The following PSG11 variants were observed in gnomAD, a reference collection of about 807,000 sequenced individuals.
The protein encoded by PSG11 is pregnancy-specific beta-1-glycoprotein 11.
In PSG11, 42 loss-of-function variants were observed where a neutral mutation model predicts 36.0. The ratio of observed to expected loss-of-function variants is 1.17; its 90% confidence interval spans 0.91 to 1.51. PSG11 has a LOEUF of 1.51. Among genes scored for constraint, PSG11 ranks in the 40% most tolerant of loss-of-function variants. The pLI, the probability that PSG11 is intolerant of heterozygous loss-of-function variation, is 0.00. For synonymous variants in PSG11, 206 were observed against 153.5 expected, an observed-to-expected ratio of 1.34 and a Z score of -2.53; for missense variants, 558 against 403.5, an observed-to-expected ratio of 1.38 and a Z score of -3.28.
At chr19:43,022,977 G>A (rs1967139161) in intron 2 of PSG11, among the ~76,000 whole-genome samples, 1 of 150,680 alleles carries the variant, frequency 6.6e-6, no homozygotes, top group Non-Finnish European at 1.5e-5. Context: ...AGAATGAAGT[G>A]GGAGGAAGAT....
chr19:43,015,753 G>T, intron 3 of PSG11: 3 of 1,609,080 alleles, frequency 1.9e-6, no homozygotes, highest in Non-Finnish European at 1.7e-6. Flanking sequence ...GGCCCACAGA[G>T]GAACAAAAGA....
chr19:43,021,479 G>A (rs1476796031), intron 2 of PSG11, among the ~76,000 whole-genome samples: 1 of 151,306 alleles, frequency 6.6e-6, no homozygotes. Context: ...GACCTCCCAA[G>A]TAGCTGGTAC....
intron 5 of PSG11, among the ~76,000 whole-genome samples, chr19:43,009,105 C>A (rs957290061): frequency 6.6e-6 from 1 of 151,124 alleles, no homozygotes; most frequent in African/African-American, 2.4e-5. Flanking sequence ...CATTTCCTGT[C>A]TTAGGCTTTG....
At chr19:43,025,835 T>C (rs1967234996) in intron 1 of PSG11, among the ~76,000 whole-genome samples, 1 of 149,980 alleles carries the variant, frequency 6.7e-6, no homozygotes, top group Admixed American at 6.7e-5. Context: ...CCAATTCCGG[T>C]TCAATGTGAC....
At chr19:43,025,563 G>A (rs1444232996) in intron 1 of PSG11, among the ~76,000 whole-genome samples, 1 of 151,024 alleles carries the variant, frequency 6.6e-6, no homozygotes, top group African/African-American at 2.4e-5. Flanking sequence ...TGAGGACAGG[G>A]ACTTTTGTGA....
intron 2 of PSG11, among the ~76,000 whole-genome samples, chr19:43,021,330 T>A (rs1030066601): frequency 1.3e-5 from 2 of 151,324 alleles, no homozygotes; most frequent in Non-Finnish European, 2.9e-5. Flanking sequence ...CCAGTAAGCA[T>A]CAAAAGAATT....
intron 2 of PSG11, among the ~76,000 whole-genome samples, chr19:43,022,090 G>A (rs1210065514): frequency 1.3e-5 from 2 of 151,506 alleles, no homozygotes; most frequent in Non-Finnish European, 2.9e-5. Context: ...CCCAGGGACT[G>A]CCTTTGTCAA....
At chr19:43,011,096 G>C (rs1167238683) in intron 4 of PSG11, among the ~76,000 whole-genome samples, 1 of 150,932 alleles carries the variant, frequency 6.6e-6, no homozygotes, top group Non-Finnish European at 1.5e-5. Flanking sequence ...TATGGCTAGT[G>C]ACAGGTGGAT....
chr19:43,012,156 A>G lies in PSG11; in HGVS notation c.965-2115T>C, dbSNP rs971004273. Among the ~76,000 whole-genome samples, 24 of 151,368 alleles carry G rather than the reference A, an allele frequency of 1.6e-4. 1 individual carries two copies. Among genetic ancestry groups the G allele is most frequent in the African/African-American group, 5.8e-4 (24 of 41,050 alleles). On this transcript the variant is annotated intron_variant, in intron 4 of 5. Coordinates refer to ENST00000320078, the MANE Select transcript of PSG11 (RefSeq NM_002785.3). ...AAGAATGGAAGGAAACCACCTCAAC[A>G]TAAAGGCAATATGTGAAAAACCCAA...
intron 1 of PSG11, among the ~76,000 whole-genome samples, chr19:43,026,088 C>T (rs1337182368): frequency 1.3e-5 from 2 of 150,046 alleles, no homozygotes; most frequent in African/African-American, 2.5e-5. Context: ...ATTACAGGAG[C>T]ACACCACCAT....
rs139044489 is a variant in PSG11, at chr19:43,014,996, G to A, written c.964+120C>T. The stretch of plus-strand genomic sequence containing the variant: ...TTGGGAGGGTTCAGGAGGAGAATTT[G>A]GGATTTGCCTGTGCCCATGGGACAC... On this transcript the variant is annotated intron_variant, in intron 4 of 5. Coordinates refer to ENST00000320078, the MANE Select transcript of PSG11 (RefSeq NM_002785.3). The A allele has an allele frequency of 2.8e-3, 4,464 of 1,582,142 alleles. 233 individuals are homozygous for A. The African/African-American group carries it at 0.046, about 16-fold the overall frequency.
rs1187018699 is a variant in PSG11, at chr19:43,026,394, C to A, written c.-22G>T. 1.2e-6 allele frequency: 2 copies of A among 1,607,380 alleles called. No individual in the cohort carries two copies. The highest frequency in any genetic ancestry group is 1.3e-5 in the African/African-American group (1 of 74,218). On this transcript the variant is annotated 5_prime_UTR_variant, in exon 1 of 6. Coordinates refer to ENST00000320078, the MANE Select transcript of PSG11 (RefSeq NM_002785.3). ...CCATGATCTCTGCTGCGTGCATGTT[C>A]TCCTCTGTGGAGATGAGCCTAGGAT...
In PSG11 at chr19:43,013,348, G is replaced by A. The variant is rs1426331380; in HGVS notation, c.964+1768C>T. Among the ~76,000 whole-genome samples, 3 of 151,260 alleles carry A rather than the reference G, an allele frequency of 2.0e-5. 1 individual carries two copies. Among genetic ancestry groups the A allele is most frequent in the Non-Finnish European group, 4.4e-5 (3 of 67,872 alleles). ...AACCCATGAAATGATAAAAATATTT[G>A]CAAATTATATGTGTGATAAGAAATT... On this transcript the variant is annotated intron_variant, in intron 4 of 5. Coordinates refer to ENST00000320078, the MANE Select transcript of PSG11 (RefSeq NM_002785.3).
Position 43,024,872 on chromosome 19 carries a change from T to C in PSG11, c.249A>G (p.Val83=). 6.2e-7 allele frequency: 1 copy of C among 1,611,818 alleles called. No individual in the cohort carries two copies. Among genetic ancestry groups the C allele is most frequent in the Non-Finnish European group, 8.5e-7 (1 of 1,179,066 alleles). ...RDLYHYITSY[V]VDGQIIIYGP... ...CATATATAATTATTTGACCGTCTAC[T>C]ACATATGATGTAATGTAATGGTAGA... is the stretch of plus-strand genomic sequence containing the variant. The change falls in exon 2 of 6, where the codon GTA becomes GTG. Residue 83 remains valine (V), a synonymous_variant. Coordinates refer to ENST00000320078, the MANE Select transcript of PSG11 (RefSeq NM_002785.3).
At chr19:43,014,841 C>G in intron 4 of PSG11, 1 of 1,324,190 alleles carries the variant, frequency 7.6e-7, no homozygotes, top group Non-Finnish European at 1.0e-6. Flanking sequence ...CTTCTTGTCC[C>G]TCTGTGAAGC....
At position 43,015,768 on chromosome 19, in the gene PSG11, G is replaced by C. The variant is rs1966948497; in HGVS notation, c.710-398C>G. On this transcript the variant is annotated intron_variant, in intron 3 of 5. Coordinates refer to ENST00000320078, the MANE Select transcript of PSG11 (RefSeq NM_002785.3). ...GGCCCACAGAGGAACAAAAGATACA[G>C]AGGACATTCAGGGTGACTGAGTCAC... 3.1e-6 allele frequency: 5 copies of C among 1,602,876 alleles called. No individual in the cohort carries two copies. In the African/African-American group the frequency reaches 5.4e-5, roughly 17 times the overall value.
intron 2 of PSG11, chr19:43,024,347 C>T (rs1568493150): frequency 2.7e-6 from 1 of 373,578 alleles, no homozygotes. Flanking sequence ...ATCTCAGGGG[C>T]CCCTCAGGTC....
intron 5 of PSG11, among the ~76,000 whole-genome samples, chr19:43,009,359 A>G (rs1482090873): frequency 6.6e-6 from 1 of 151,356 alleles, no homozygotes; most frequent in Non-Finnish European, 1.5e-5. Flanking sequence ...CATTGGAACT[A>G]AGAATTTTAT....
Position 43,024,416 on chromosome 19 carries a change from G to A in PSG11, c.430+275C>T. The A allele has an allele frequency of 2.1e-5, 12 of 562,688 alleles. No individual in the cohort carries two copies. The South Asian group carries it at 2.6e-4, about 12-fold the overall frequency. 34.9% of individuals were successfully genotyped at this position (562,688 alleles called of 1,614,324 possible). ...GGTCAAATTTATGAAGAGGGCATGA[G>A]GTGCTTGGCTGAGACTGATCTCCTC... On this transcript the variant is annotated intron_variant, in intron 2 of 5. Transcript: ENST00000320078.
Sources: allele counts gnomAD v4.1 joint callset (sites outside exome capture counted in the v4.1 genomes callset), GRCh38; gene constraint gnomAD v4.1.1; transcripts MANE v1.5; gene names NCBI Gene and HGNC (gene_info 2026-07-23, HGNC 2026-07-21).